COBLL1: variants seen among roughly 807,000 people sequenced by gnomAD.
The protein encoded by COBLL1 is cordon-bleu WH2 repeat protein like 1, also known as cordon-bleu protein-like 1.
COBLL1 carries 50 observed loss-of-function variants against 94.8 expected under a neutral mutation model. The ratio of observed to expected loss-of-function variants is 0.53; its 90% CI spans 0.42 to 0.67. The LOEUF is 0.67. Ranked by LOEUF, COBLL1 falls within the 30% of genes least tolerant of loss-of-function variation. COBLL1 has a pLI of 0.00. For synonymous variants in COBLL1, 448 were observed against 473.8 expected, an observed-to-expected ratio of 0.95 and a Z score of 0.71; for missense variants, 1,362 against 1,348.7, an observed-to-expected ratio of 1.01 and a Z score of -0.15.
At chr2:164,766,294 A>G (rs762456987) in intron 2 of COBLL1, among the ~76,000 whole-genome samples, 1 of 152,068 alleles carries the variant, frequency 6.6e-6, no homozygotes, top group Admixed American at 6.6e-5. Context: ...TGTATGTGAT[A>G]TGGTTTGGTT....
At chr2:164,724,663 G>T (rs945016720) in intron 5 of COBLL1, 1 of 152,088 alleles carries the variant, frequency 6.6e-6, no homozygotes, top group African/African-American at 2.4e-5. Context: ...AAAATATTGT[G>T]TATTAAAATT....
intron 2 of COBLL1, among the ~76,000 whole-genome samples, chr2:164,811,454 A>G (rs549997087): frequency 3.3e-5 from 5 of 152,100 alleles, no homozygotes; most frequent in African/African-American, 9.6e-5. Context: ...TGAAATGTAC[A>G]TAACAGTGAA....
chr2:164,753,656 G>C (rs1241056672), intron 2 of COBLL1, among the ~76,000 whole-genome samples: 1 of 151,464 alleles, frequency 6.6e-6, no homozygotes, highest in Non-Finnish European at 1.5e-5. Context: ...AGTTTATTTA[G>C]TTTTAATTTG....
intron 2 of COBLL1, among the ~76,000 whole-genome samples, chr2:164,820,717 C>G (rs1158560921): frequency 6.6e-6 from 1 of 152,216 alleles, no homozygotes; most frequent in Non-Finnish European, 1.5e-5. Flanking sequence ...TACCCTCTTG[C>G]ATGATCACAC....
chr2:164,688,850 T>C (rs1683441839), intron 13 of COBLL1, among the ~76,000 whole-genome samples: 2 of 118,678 alleles, frequency 1.7e-5, no homozygotes. Flanking sequence ...ACTTAATACA[T>C]AGTGATAAAT....
At chr2:164,751,593 C>G (rs1327505295) in intron 2 of COBLL1, among the ~76,000 whole-genome samples, 4 of 152,052 alleles carry the variant, frequency 2.6e-5, no homozygotes, top group Non-Finnish European at 5.9e-5. Flanking sequence ...GCCATTGCCA[C>G]TGCCATTTAG....
At position 164,686,026 on chromosome 2, in the gene COBLL1, T is replaced by C. The variant is rs1323230924; in HGVS notation, c.3307A>G (p.Ile1103Val). 1.1e-5 allele frequency: 18 copies of C among 1,589,450 alleles called. No homozygotes were observed. Among genetic ancestry groups the C allele is most frequent in the Non-Finnish European group, 1.5e-5 (18 of 1,161,920 alleles). The change falls in exon 14 of 14, where the codon ATT becomes GTT. Residue 1103 changes from isoleucine (I) to valine (V), a missense_variant. By Grantham distance (29) the Ile-to-Val change is conservative. Transcript: ENST00000652658. ...EAAAKLKRVT[I>V]PSNTISVNGR... ...TTCACAGATATTGTATTTGATGGAA[T>C]GGTAACCTAAGAGAAAGAAACACAC...
chr2:164,781,360 A>AT (rs1253910491), intron 2 of COBLL1, among the ~76,000 whole-genome samples: 4 of 152,248 alleles, frequency 2.6e-5, no homozygotes, highest in Admixed American at 2.6e-4. Context: ...AGAAAGGCTG[A>AT]TAAAAATAAA....
chr2:164,793,622 C>T (rs1252705962), intron 2 of COBLL1, among the ~76,000 whole-genome samples: 1 of 152,142 alleles, frequency 6.6e-6, no homozygotes, highest in Non-Finnish European at 1.5e-5. Flanking sequence ...ATATGTTCTA[C>T]TTTCAGAGAC....
intron 2 of COBLL1, among the ~76,000 whole-genome samples, chr2:164,765,519 T>C (rs755206790): frequency 2.6e-5 from 4 of 152,124 alleles, no homozygotes; most frequent in Non-Finnish European, 5.9e-5. Flanking sequence ...TGTTACGATA[T>C]ATAACAAAAT....
intron 2 of COBLL1, among the ~76,000 whole-genome samples, chr2:164,792,605 C>T (rs775713211): frequency 1.3e-5 from 2 of 152,108 alleles, no homozygotes; most frequent in Non-Finnish European, 2.9e-5. Flanking sequence ...GCCTTAATTT[C>T]CTCAACTTTC....
At chr2:164,772,237 G>A (rs1350657113) in intron 2 of COBLL1, among the ~76,000 whole-genome samples, 1 of 151,564 alleles carries the variant, frequency 6.6e-6, no homozygotes, top group Non-Finnish European at 1.5e-5. Flanking sequence ...TGCAGTTTGT[G>A]CTGTTCTGGT....
At chr2:164,822,197 C>T (rs2123921) in intron 2 of COBLL1, among the ~76,000 whole-genome samples, 76,631 of 152,076 alleles carry the variant, frequency 0.5, 20,624 homozygotes, top group African/African-American at 0.68. Flanking sequence ...ACCACAGGTC[C>T]CCCTAAAATG....
chr2:164,697,354 C>A (rs1387922813), intron 11 of COBLL1: 1 of 152,048 alleles, frequency 6.6e-6, no homozygotes, highest in Admixed American at 6.6e-5. Context: ...TTTTGATTTA[C>A]AAAATTAAAG....
chr2:164,837,331 G>A (rs1683362306), intron 2 of COBLL1: 1 of 318,544 alleles, frequency 3.1e-6, no homozygotes, highest in South Asian at 2.8e-5. Flanking sequence ...CAATCATGTT[G>A]CTTTTTCTAA....
At position 164,695,168 on chromosome 2, in the gene COBLL1, A is replaced by G. The variant is rs200934182; in HGVS notation, c.2224T>C (p.Leu742=). The part of the protein sequence containing the change: ...TTYKIVPPKS[L]EISKDWQSET... ...GATTGCCAGTCTTTCGATATTTCCAAGGATTTGGGAGGCACTATTTTATAA... is the reference window on the plus strand; with the variant it reads ...GATTGCCAGTCTTTCGATATTTCCAGGGATTTGGGAGGCACTATTTTATAA... The change falls in exon 12 of 14, where the codon TTG becomes CTG. Residue 742 remains leucine (L), a synonymous_variant. Coordinates refer to ENST00000652658, the MANE Select transcript of COBLL1 (RefSeq NM_001365672.2). 75 of 1,613,876 alleles carry G rather than the reference A, an allele frequency of 4.6e-5. No homozygotes were observed. In the East Asian group the frequency reaches 1.6e-3, roughly 34 times the overall value.
At chr2:164,792,234 T>A (rs1683225408) in intron 2 of COBLL1, among the ~76,000 whole-genome samples, 1 of 151,966 alleles carries the variant, frequency 6.6e-6, no homozygotes, top group Non-Finnish European at 1.5e-5. Flanking sequence ...ACTCAAGCAA[T>A]CCTCCCACCT....
At chr2:164,721,971 G>T (rs1685466693) in intron 7 of COBLL1, 104 bp downstream of exon 7, 1 of 795,144 alleles carries the variant, frequency 1.3e-6, no homozygotes. Flanking sequence ...ACTGTTATAG[G>T]ACTACTTCTT....
chr2:164,818,182 G>T (rs548634381), intron 2 of COBLL1, among the ~76,000 whole-genome samples: 2 of 144,050 alleles, frequency 1.4e-5, no homozygotes, highest in African/African-American at 5.2e-5. Flanking sequence ...ACGTATACAC[G>T]TATATATACG....
Sources: gnomAD v4.1 joint callset for allele counts (sites outside exome capture counted in the v4.1 genomes callset) on GRCh38, gnomAD v4.1.1 for gene constraint, MANE v1.5 for transcripts, NCBI Gene and HGNC (gene_info 2026-07-23, HGNC 2026-07-21) for gene names.